The following TMOD2 variants were observed in gnomAD, a reference collection of about 807,000 sequenced individuals.
TMOD2 encodes tropomodulin-2.
In TMOD2, 22 loss-of-function variants were observed where a neutral mutation model predicts 39.9. The observed-to-expected ratio is 0.55, with a 90% CI of 0.39 to 0.79. The LOEUF is 0.79. Among genes scored for constraint, TMOD2 ranks in the 30% least tolerant of loss-of-function variants. The pLI is 0.00. For synonymous variants in TMOD2, 123 were observed against 146.1 expected, an observed-to-expected ratio of 0.84 and a Z score of 1.14; for missense variants, 386 against 413.3, an observed-to-expected ratio of 0.93 and a Z score of 0.57.
chr15:51,764,697 C>G (rs1296096030), intron 1 of TMOD2, among the ~76,000 whole-genome samples: 2 of 152,150 alleles, frequency 1.3e-5, no homozygotes, highest in Non-Finnish European at 2.9e-5. Flanking sequence ...CATGAATCCC[C>G]CTCTGTAGCC....
chr15:51,806,423 T>C lies in TMOD2; in HGVS notation c.923T>C (p.Leu308Pro). ...TAVEMEIAQM[L>P]EENSRILKFG... ...GTAGAGATGGAAATTGCCCAGATGC[T>C]GGAGGAGAATTCAAGGATCCTCAAG... Residue 308 changes from leucine (L) to proline (P), a missense_variant, in exon 9 of 10, where the codon CTG (leucine) becomes CCG (proline). Leu to Pro is a moderately conservative substitution (Grantham distance 98). Transcript: ENST00000249700. 2 of 1,614,232 alleles carry C rather than the reference T, an allele frequency of 1.2e-6. No homozygotes were observed. Among genetic ancestry groups the C allele is most frequent in the Non-Finnish European group, 1.7e-6 (2 of 1,180,042 alleles).
rs75218142 is a variant in TMOD2, at chr15:51,755,895, T to C, written c.-70+4183T>C. Among the ~76,000 whole-genome samples the C allele has an allele frequency of 1.7e-3, 257 of 151,404 alleles. 7 individuals carry two copies. In the East Asian group the frequency reaches 0.043, roughly 25 times the overall value. On this transcript the variant is annotated intron_variant, in intron 1 of 9. Coordinates refer to ENST00000249700, the MANE Select transcript of TMOD2 (RefSeq NM_014548.4). ...AGCAGAAGAAAGGAGGGCACATGAA[T>C]CAAAGGACAAAAAGCAGGAAACCCG...
intron 1 of TMOD2, among the ~76,000 whole-genome samples, chr15:51,765,082 C>T (rs2055807753): frequency 6.6e-6 from 1 of 151,980 alleles, no homozygotes; most frequent in South Asian, 2.1e-4. Context: ...AGCACTGCAA[C>T]CTCTGCCTCC....
chr15:51,801,286 CTGTCTCT>C (rs2056088122), intron 8 of TMOD2, among the ~76,000 whole-genome samples: 1 of 120,676 alleles, frequency 8.3e-6, no homozygotes, highest in African/African-American at 3.0e-5. Context: ...CACACACACC[CTGTCTCT>C]CTCTCTCTCT....
rs990565687 is a variant in TMOD2 at position 51,808,685 on chromosome 15, G to A, written c.*231G>A. 7 of 379,922 alleles carry A rather than the reference G, an allele frequency of 1.8e-5. No individual in the cohort carries two copies. The highest frequency in any genetic ancestry group is 8.3e-5 in the African/African-American group (4 of 47,924). 23.5% of individuals were successfully genotyped at this position (379,922 alleles called of 1,614,324 possible). ...CTTCTGGCAACTTGACAAATGGACC[G>A]ATGCAGATTTTAGAGAGTGACGACA... is the stretch of plus-strand genomic sequence containing the variant. On this transcript the variant is annotated 3_prime_UTR_variant, in exon 10 of 10. Coordinates refer to ENST00000249700, the MANE Select transcript of TMOD2 (RefSeq NM_014548.4).
chr15:51,798,399 A>G, intron 8 of TMOD2, 59 bp downstream of exon 8: 3 of 1,575,216 alleles, frequency 1.9e-6, no homozygotes, highest in Non-Finnish European at 2.6e-6. Flanking sequence ...GAGCGGGGGA[A>G]ATGCCACAAG....
intron 7 of TMOD2, among the ~76,000 whole-genome samples, chr15:51,796,691 T>A (rs2056053501): frequency 6.6e-6 from 1 of 152,222 alleles, no homozygotes; most frequent in African/African-American, 2.4e-5. Context: ...AACAATATGC[T>A]GTTATAGAAG....
At chr15:51,807,659 G>A (rs942328528) in intron 9 of TMOD2, among the ~76,000 whole-genome samples, 1 of 152,202 alleles carries the variant, frequency 6.6e-6, no homozygotes, top group Non-Finnish European at 1.5e-5. Context: ...GGCAGCCTAC[G>A]TCCAAGAAGC....
chr15:51,802,068 G>A lies in TMOD2; in HGVS notation c.876+3728G>A, dbSNP rs1012257730. 4.6e-5 allele frequency among the ~76,000 whole-genome samples: 7 copies of A among 151,696 alleles called. No homozygotes were observed. The South Asian group carries it at 8.3e-4, about 18-fold the overall frequency. On this transcript the variant is annotated intron_variant, in intron 8 of 9. Transcript: ENST00000249700. ...TGCCCATCTATTGTCCTGGGTTTATGTAAGACCTCAAATCCAAAAAAAGAT... is the reference window on the plus strand; with the variant it reads ...TGCCCATCTATTGTCCTGGGTTTATATAAGACCTCAAATCCAAAAAAAGAT...
intron 1 of TMOD2, among the ~76,000 whole-genome samples, chr15:51,764,515 A>G (rs949887809): frequency 7.9e-5 from 12 of 152,246 alleles, no homozygotes; most frequent in African/African-American, 2.9e-4. Context: ...CATTCTTATG[A>G]TTTGAACTCA....
chr15:51,755,568 A>G (rs2055736309), intron 1 of TMOD2, among the ~76,000 whole-genome samples: 1 of 152,160 alleles, frequency 6.6e-6, no homozygotes, highest in Non-Finnish European at 1.5e-5. Flanking sequence ...CACAAGCCCT[A>G]AGAAAGGACC....
chr15:51,797,370 A>G (rs1184590325), intron 7 of TMOD2, among the ~76,000 whole-genome samples: 6 of 152,162 alleles, frequency 3.9e-5, no homozygotes, highest in Non-Finnish European at 7.4e-5. Flanking sequence ...CATCTGCCCT[A>G]GCTGTTCCAT....
intron 6 of TMOD2, among the ~76,000 whole-genome samples, chr15:51,782,233 T>G (rs2055935716): frequency 6.6e-6 from 1 of 152,184 alleles, no homozygotes; most frequent in South Asian, 2.1e-4. Flanking sequence ...ATCATTGAAT[T>G]GCAAGAAAGA....
intron 3 of TMOD2, among the ~76,000 whole-genome samples, chr15:51,771,714 G>A (rs914373358): frequency 1.2e-4 from 18 of 152,160 alleles, no homozygotes; most frequent in African/African-American, 4.3e-4. Flanking sequence ...CTAGACCTAA[G>A]ATCATCTTGG....
Position 51,808,461 on chromosome 15 carries a change from T to C in TMOD2, c.*7T>C, listed in dbSNP as rs2056135059. 6.2e-7 allele frequency: 1 copy of C among 1,611,774 alleles called. No individual in the cohort carries two copies. The highest frequency in any genetic ancestry group is 1.3e-5 in the African/African-American group (1 of 75,014). On this transcript the variant is annotated 3_prime_UTR_variant, in exon 10 of 10. Coordinates refer to ENST00000249700, the MANE Select transcript of TMOD2 (RefSeq NM_014548.4). The stretch of plus-strand genomic sequence containing the variant: ...TGAAGCAGACCGAAGGTAAACTTCC[T>C]TGAGGAGAAGTGAAGTTTCACTGTG...
rs193208403 is a variant in TMOD2 at position 51,768,287 on chromosome 15, G to A, written c.152G>A (p.Arg51Gln). 5.6e-6 allele frequency: 9 copies of A among 1,614,096 alleles called. No individual in the cohort carries two copies. The highest frequency in any genetic ancestry group is 4.5e-5 in the East Asian group (2 of 44,876). ...PESAMLPAGF[R>Q]QKDQTQKAAT... ...AGTGCCATGCTGCCAGCTGGATTTC[G>A]ACAGAAAGACCAGACACAGAAGGCA... is the stretch of plus-strand genomic sequence containing the variant. Residue 51 changes from arginine (R) to glutamine (Q), a missense_variant, in exon 3 of 10, where the codon CGA (arginine) becomes CAA (glutamine). Physicochemically the swap from Arg to Gln is conservative, Grantham distance 43. Transcript: ENST00000249700.
In TMOD2 at chr15:51,765,870, T is replaced by C. The variant is rs190640602; in HGVS notation, c.-69-503T>C. 9.2e-5 allele frequency among the ~76,000 whole-genome samples: 14 copies of C among 152,296 alleles called. No homozygotes were observed. In the East Asian group the frequency reaches 2.7e-3, roughly 29 times the overall value. On this transcript the variant is annotated intron_variant, in intron 1 of 9. Transcript: ENST00000249700. ...GCTTTCTCACATAGACGTTCCAAAC[T>C]CTCGTTCCTGAATGAATCCCATTTT... is the stretch of plus-strand genomic sequence containing the variant.
intron 3 of TMOD2, among the ~76,000 whole-genome samples, chr15:51,771,804 T>A (rs2055855693): frequency 6.6e-6 from 1 of 152,170 alleles, no homozygotes; most frequent in Non-Finnish European, 1.5e-5. Context: ...ATGTTATTGA[T>A]TAGTTGATTT....
intron 7 of TMOD2, among the ~76,000 whole-genome samples, chr15:51,797,696 C>T (rs940028044): frequency 2.0e-5 from 3 of 151,794 alleles, no homozygotes; most frequent in Non-Finnish European, 4.4e-5. Flanking sequence ...TGATTTTGTT[C>T]CAAAAGTTAT....
Sources: gnomAD v4.1 joint callset for allele counts (sites outside exome capture counted in the v4.1 genomes callset) on GRCh38, gnomAD v4.1.1 for gene constraint, MANE v1.5 for transcripts, NCBI Gene and HGNC (gene_info 2026-07-23, HGNC 2026-07-21) for gene names.